Variants in DMD observed in about 807,000 individuals in gnomAD.
DMD encodes dystrophin, also known as mutant dystrophin.
In DMD, 63 loss-of-function variants were observed where a neutral mutation model predicts 330.1. That is an observed-to-expected ratio of 0.19 (90% CI 0.16 to 0.24). The LOEUF (loss-of-function observed/expected upper bound fraction) is 0.24, where lower values mean the gene tolerates loss of function less well. Ranked by LOEUF, DMD falls within the 10% of genes least tolerant of loss-of-function variation. The pLI is 1.00. For missense variants in DMD, 3,344 were observed against 2,684.1 expected, an observed-to-expected ratio of 1.25 and a Z score of -5.43; for synonymous variants, 1,223 against 959.8, an observed-to-expected ratio of 1.27 and a Z score of -5.07.
intron 62 of DMD, chrX:31,266,880 T>C: frequency 8.4e-7 from 1 of 1,194,131 alleles, no homozygotes; most frequent in Non-Finnish European, 1.1e-6. Flanking sequence ...GGAGTGAGCT[T>C]CCCAGAGCCG....
chrX:32,879,003 G>A (rs1362558746), intron 2 of DMD, among the ~76,000 whole-genome samples: 17 of 87,223 alleles, frequency 1.9e-4, no homozygotes, highest in Admixed American at 1.4e-3. Context: ...CCAAGACTAC[G>A]TCTCAAAAAA....
At chrX:33,172,911 A>T (rs917319453) in intron 1 of DMD, among the ~76,000 whole-genome samples, 1 of 111,287 alleles carries the variant, frequency 9.0e-6, no homozygotes, top group African/African-American at 3.3e-5. Context: ...GGTGAGACTG[A>T]TCAACATCCT....
chrX:32,389,318 T>C (rs1236112132), intron 32 of DMD, among the ~76,000 whole-genome samples, 183 bp downstream of exon 32: 1 of 111,924 alleles, frequency 8.9e-6, no homozygotes, highest in African/African-American at 3.2e-5. Context: ...AGCAGAATTA[T>C]AGACTCAAAA....
At chrX:32,731,122 C>A (rs1166901986) in intron 7 of DMD, among the ~76,000 whole-genome samples, 1 of 111,948 alleles carries the variant, frequency 8.9e-6, no homozygotes, top group Non-Finnish European at 1.9e-5. Flanking sequence ...TCAGGGAGTT[C>A]CCTTTCCTAG....
intron 2 of DMD, among the ~76,000 whole-genome samples, chrX:32,961,423 T>C (rs1334564220): frequency 2.7e-5 from 3 of 110,886 alleles, no homozygotes; most frequent in East Asian, 2.8e-4. Flanking sequence ...TATACACTCA[T>C]TGCAAATACA....
chrX:31,739,230 C>G (rs2087113013), intron 51 of DMD, among the ~76,000 whole-genome samples: 1 of 110,979 alleles, frequency 9.0e-6, no homozygotes, highest in Non-Finnish European at 1.9e-5. Flanking sequence ...ACTCACAAAA[C>G]TTAAAAATAT....
At chrX:32,470,119 C>A (rs918857870) in intron 22 of DMD, among the ~76,000 whole-genome samples, 3 of 110,868 alleles carry the variant, frequency 2.7e-5, no homozygotes, top group African/African-American at 9.8e-5. Context: ...AAATTCTCAT[C>A]TTGTAATTTT....
At chrX:31,171,562 A>AT (rs1057193882) in intron 73 of DMD, among the ~76,000 whole-genome samples, 3 of 110,953 alleles carry the variant, frequency 2.7e-5, no homozygotes, top group African/African-American at 6.5e-5. Flanking sequence ...GCAAATCCTT[A>AT]TTTTTTCCTT....
At chrX:32,441,438 G>C in intron 27 of DMD, 124 bp from the exon 28 acceptor site, 1 of 668,585 alleles carries the variant, frequency 1.5e-6, no homozygotes, top group Non-Finnish European at 2.3e-6. Flanking sequence ...TTACTTTGTA[G>C]CAGGTAATTC....
chrX:32,734,924 G>T (rs1228330597), intron 7 of DMD, among the ~76,000 whole-genome samples: 1 of 106,569 alleles, frequency 9.4e-6, no homozygotes, highest in African/African-American at 3.6e-5. Flanking sequence ...GGGCAATTAG[G>T]CAGGAGAAGG....
intron 16 of DMD, among the ~76,000 whole-genome samples, chrX:32,554,030 T>C (rs1045481053): frequency 6.2e-5 from 7 of 112,476 alleles, no homozygotes; most frequent in Non-Finnish European, 1.1e-4. Flanking sequence ...GATCTCTCCC[T>C]GGGACAGAGC....
At chrX:32,737,538 G>A (rs1176569252) in intron 7 of DMD, among the ~76,000 whole-genome samples, 2 of 110,993 alleles carry the variant, frequency 1.8e-5, no homozygotes, top group African/African-American at 6.5e-5. Context: ...GTAGTTTTGG[G>A]TTGATACAAA....
At chrX:32,641,670 T>G (rs2059470300) in intron 11 of DMD, 2 of 144,568 alleles carry the variant, frequency 1.4e-5, no homozygotes, top group African/African-American at 6.3e-5. Context: ...TTATATCAAC[T>G]TAGAAATTAT....
At chrX:32,810,726 T>G (rs1053017319) in intron 6 of DMD, among the ~76,000 whole-genome samples, 2 of 111,690 alleles carry the variant, frequency 1.8e-5, no homozygotes, top group Non-Finnish European at 3.8e-5. Context: ...AATTAGTGCA[T>G]AGCAGAGTTG....
chrX:32,746,978 C>G (rs192580215), intron 7 of DMD, among the ~76,000 whole-genome samples: 1 of 112,098 alleles, frequency 8.9e-6, no homozygotes, highest in East Asian at 2.8e-4. Flanking sequence ...TCGTGCCCGA[C>G]TTATTTCACT....
intron 1 of DMD, among the ~76,000 whole-genome samples, chrX:33,194,163 T>G (rs1345743971): frequency 9.0e-6 from 1 of 111,409 alleles, no homozygotes; most frequent in Non-Finnish European, 1.9e-5. Context: ...CTATAAAAGA[T>G]AATGAATATA....
At chrX:33,187,425 A>C (rs1319475266) in intron 1 of DMD, among the ~76,000 whole-genome samples, 2 of 112,913 alleles carry the variant, frequency 1.8e-5, no homozygotes, top group Non-Finnish European at 3.7e-5. Flanking sequence ...TTTGTTCTAG[A>C]GATATGTGCA....
rs768712690 is a variant in DMD at position 32,399,465 on chromosome X, C to T, written c.4234-9284G>A. 5.0e-3 allele frequency among the ~76,000 whole-genome samples: 554 copies of T among 111,200 alleles called. 3 individuals carry two copies. Among genetic ancestry groups the T allele is most frequent in the African/African-American group, 0.017 (535 of 30,686 alleles). On this transcript the variant is annotated intron_variant, in intron 30 of 78. Transcript: ENST00000357033. ...TTTTTGAAAGAAGATAAATGACAAA[C>T]GGGTATATGAAAAGGGTCTCAATAT...
intron 2 of DMD, among the ~76,000 whole-genome samples, chrX:33,002,767 T>G (rs765968123): frequency 5.1e-5 from 5 of 98,760 alleles, no homozygotes; most frequent in Non-Finnish European, 9.9e-5. Flanking sequence ...AGTTTAGTCC[T>G]AGGGAAGTCA....
Sources: allele counts gnomAD v4.1 joint callset (sites outside exome capture counted in the v4.1 genomes callset), GRCh38; gene constraint gnomAD v4.1.1; transcripts MANE v1.5; gene names NCBI Gene and HGNC (gene_info 2026-07-23, HGNC 2026-07-21).